TTC39B: variants seen among roughly 807,000 people sequenced by gnomAD.
The protein encoded by TTC39B is tetratricopeptide repeat domain 39B.
TTC39B carries 92 observed loss-of-function variants against 96.6 expected under a neutral mutation model. That is an observed-to-expected ratio of 0.95 (90% CI 0.80 to 1.13). The LOEUF is 1.13. Among genes scored for constraint, TTC39B ranks in the 50% most tolerant of loss-of-function variants. The pLI is 0.00. For synonymous variants in TTC39B, 367 were observed against 299.4 expected (o/e 1.23, Z -2.33); for missense variants, 955 against 809.3 (o/e 1.18, Z -2.18).
chr9:15,250,218 T>C (rs927570942), intron 2 of TTC39B: 1 of 1,102,848 alleles, frequency 9.1e-7, no homozygotes, highest in African/African-American at 1.7e-5. Context: ...CGGATGCTTC[T>C]GCAGGAAGGG....
intron 2 of TTC39B, among the ~76,000 whole-genome samples, chr9:15,256,821 G>A (rs929161290): frequency 6.6e-6 from 1 of 152,166 alleles, no homozygotes; most frequent in Non-Finnish European, 1.5e-5. Context: ...GGTCATGCAT[G>A]AGGGCAAGAG....
exon 20 of TTC39B, chr9:15,165,332 A>G (rs1817498382): frequency 6.6e-6 from 1 of 152,124 alleles, no homozygotes; most frequent in Non-Finnish European, 1.5e-5. Flanking sequence ...GGGCAACAAG[A>G]GCAAACTCTG....
intron 1 of TTC39B, among the ~76,000 whole-genome samples, chr9:15,275,773 A>G (rs1301701745): frequency 1.3e-5 from 2 of 152,208 alleles, no homozygotes; most frequent in Non-Finnish European, 2.9e-5. Flanking sequence ...TGAGAGAACA[A>G]TAATGCCCAC....
chr9:15,263,971 T>C (rs1275250757), intron 2 of TTC39B, among the ~76,000 whole-genome samples: 1 of 152,168 alleles, frequency 6.6e-6, no homozygotes, highest in African/African-American at 2.4e-5. Flanking sequence ...CCTTTGGATT[T>C]GTTAAACTGA....
chr9:15,249,179 C>T (rs548582377), intron 2 of TTC39B: 1 of 152,224 alleles, frequency 6.6e-6, no homozygotes, highest in South Asian at 2.1e-4. Context: ...ATTCTAACGT[C>T]CAGGAAATTC....
At chr9:15,212,262 C>G (rs1221267842) in intron 4 of TTC39B, among the ~76,000 whole-genome samples, 1 of 152,082 alleles carries the variant, frequency 6.6e-6, no homozygotes, top group Non-Finnish European at 1.5e-5. Context: ...TGCAGCTTGT[C>G]CTGAACATTG....
At chr9:15,243,896 A>G (rs2131479892) in intron 2 of TTC39B, among the ~76,000 whole-genome samples, 1 of 152,356 alleles carries the variant, frequency 6.6e-6, no homozygotes, top group East Asian at 1.9e-4. Context: ...TGGAGTCTCT[A>G]AAAACATTTT....
chr9:15,175,535 T>C (rs76524534), intron 18 of TTC39B, among the ~76,000 whole-genome samples: 6,301 of 152,238 alleles, frequency 0.041, 210 homozygotes, highest in Non-Finnish European at 0.058. Context: ...TAAAGTCTTA[T>C]AATACTTTAA....
At chr9:15,295,888 G>T (rs1296560720) in intron 1 of TTC39B, among the ~76,000 whole-genome samples, 1 of 152,138 alleles carries the variant, frequency 6.6e-6, no homozygotes, top group African/African-American at 2.4e-5. Flanking sequence ...TTCTGCACAG[G>T]GGGTGACATA....
chr9:15,264,745 A>G (rs2131544016), intron 2 of TTC39B, among the ~76,000 whole-genome samples: 1 of 147,624 alleles, frequency 6.8e-6, no homozygotes, highest in East Asian at 2.0e-4. Context: ...ATATATATAT[A>G]TATCTTATAA....
intron 1 of TTC39B, among the ~76,000 whole-genome samples, chr9:15,286,009 T>C (rs1218785101): frequency 6.6e-6 from 1 of 152,262 alleles, no homozygotes. Context: ...ACAGTATTTT[T>C]TTCCTGAACC....
chr9:15,270,011 A>C (rs897064955), intron 1 of TTC39B, among the ~76,000 whole-genome samples: 3 of 152,066 alleles, frequency 2.0e-5, no homozygotes, highest in Admixed American at 2.0e-4. Context: ...CCTACTAAAA[A>C]TACAAAAATT....
chr9:15,217,293 T>A (rs1427756267), intron 3 of TTC39B, among the ~76,000 whole-genome samples: 2 of 152,210 alleles, frequency 1.3e-5, no homozygotes, highest in Non-Finnish European at 2.9e-5. Context: ...AGGTTACACC[T>A]CATCCTTCAT....
intron 2 of TTC39B, among the ~76,000 whole-genome samples, chr9:15,261,208 G>A (rs1000341205): frequency 1.3e-5 from 2 of 152,208 alleles, no homozygotes; most frequent in Non-Finnish European, 2.9e-5. Flanking sequence ...GCCAGGTACA[G>A]TAGCTCATGT....
intron 1 of TTC39B, among the ~76,000 whole-genome samples, chr9:15,275,540 G>A (rs1415612808): frequency 1.3e-5 from 2 of 152,198 alleles, no homozygotes; most frequent in South Asian, 2.1e-4. Flanking sequence ...TACGCCAAGC[G>A]CTAGTGAAAC....
intron 19 of TTC39B, among the ~76,000 whole-genome samples, chr9:15,173,531 A>C (rs1342058666): frequency 2.0e-5 from 3 of 152,082 alleles, no homozygotes; most frequent in African/African-American, 7.2e-5. Flanking sequence ...CTGCCCTCAT[A>C]ACTGACCATG....
intron 7 of TTC39B, among the ~76,000 whole-genome samples, chr9:15,202,537 C>A (rs1422843116): frequency 6.6e-6 from 1 of 152,006 alleles, no homozygotes; most frequent in Non-Finnish European, 1.5e-5. Flanking sequence ...TATGGTGAAA[C>A]CCTGTCTCTA....
intron 8 of TTC39B, among the ~76,000 whole-genome samples, chr9:15,193,080 G>T (rs544005721): frequency 6.6e-6 from 1 of 152,198 alleles, no homozygotes. Context: ...CTGAGGAAAT[G>T]AAATGCTACT....
intron 3 of TTC39B, chr9:15,224,520 T>A (rs1318751760): frequency 6.6e-6 from 1 of 152,266 alleles, no homozygotes; most frequent in Non-Finnish European, 1.5e-5. Flanking sequence ...GAAATACAGG[T>A]GTGGTTCATC....
Sources: gnomAD v4.1 joint callset for allele counts (sites outside exome capture counted in the v4.1 genomes callset) on GRCh38, gnomAD v4.1.1 for gene constraint, MANE v1.5 for transcripts, NCBI Gene and HGNC (gene_info 2026-07-23, HGNC 2026-07-21) for gene names.